HEATR5B: variants seen among roughly 807,000 people sequenced by gnomAD.
HEATR5B encodes the protein HEAT repeat-containing protein 5B.
Under a neutral mutation model 224.1 loss-of-function variants are expected in HEATR5B, and 156 were observed. The ratio of observed to expected loss-of-function variants is 0.70; its 90% CI spans 0.61 to 0.80. The LOEUF is 0.80. Among genes scored for constraint, HEATR5B ranks in the 30% least tolerant of loss-of-function variants. The pLI, the probability that HEATR5B is intolerant of heterozygous loss-of-function variation, is 0.00. For synonymous variants in HEATR5B, 1,027 were observed against 893.0 expected (o/e 1.15, Z -2.68); for missense variants, 2,323 against 2,535.5 (o/e 0.92, Z 1.80).
chr2:37,070,277 T>A lies in HEATR5B; in HGVS notation c.880A>T (p.Lys294Ter). The change falls in exon 7 of 36, where the codon AAA (lysine) becomes TAA (stop). Residue 294 changes from lysine (K) to a stop codon, truncating the protein, a stop_gained. Coordinates refer to ENST00000233099, the MANE Select transcript of HEATR5B (RefSeq NM_019024.3). LOFTEE classifies it high-confidence loss of function. ...GFLKSGGEML[K>*]VGGSVNREVR... ...TCACGATTAACGGACCCTCCAACTT[T>A]TAACATTTCTCCACCGCTCTTTAAG... 4 of 1,614,106 alleles carry A rather than the reference T, an allele frequency of 2.5e-6. No homozygotes were observed. Among genetic ancestry groups the A allele is most frequent in the Non-Finnish European group, 3.4e-6 (4 of 1,179,990 alleles).
intron 35 of HEATR5B, among the ~76,000 whole-genome samples, chr2:36,982,493 G>A (rs1183445054): frequency 6.6e-6 from 1 of 152,094 alleles, no homozygotes. Context: ...ACCTTTATAT[G>A]TAATTGTGTG....
At position 36,988,734 on chromosome 2, in the gene HEATR5B, G is replaced by A; in HGVS notation, c.5823C>T (p.Asn1941=). ...AAAGCTCTATGTTACTGGCTGGTCTGTTTCTTTCAACAGCTTTTAGCTTTT... is the reference window on the plus strand; with the variant it reads ...AAAGCTCTATGTTACTGGCTGGTCTATTTCTTTCAACAGCTTTTAGCTTTT... The part of the protein sequence containing the change: ...VVEKLKAVER[N]RPASNIELLA... Residue 1941 remains asparagine, a synonymous_variant, in exon 35 of 36, where the codon AAC becomes AAT. Coordinates refer to ENST00000233099, the MANE Select transcript of HEATR5B (RefSeq NM_019024.3). 1 of 1,614,046 alleles carries A rather than the reference G, an allele frequency of 6.2e-7. No homozygotes were observed. The highest frequency in any genetic ancestry group is 8.5e-7 in the Non-Finnish European group (1 of 1,179,986).
At chr2:37,065,689 A>C (rs1361824578) in intron 9 of HEATR5B, 66 bp downstream of exon 9, 2 of 1,339,046 alleles carry the variant, frequency 1.5e-6, no homozygotes, top group Admixed American at 2.0e-5. Context: ...TCAGGAATTA[A>C]ATATCAATCA....
chr2:37,003,415 G>A, intron 31 of HEATR5B, 127 bp downstream of exon 31: 1 of 623,672 alleles, frequency 1.6e-6, no homozygotes, highest in Non-Finnish European at 2.6e-6. Context: ...CAGCTTGGGT[G>A]ACCGAATGAG....
At position 37,068,853 on chromosome 2, in the gene HEATR5B, A is replaced by G. The variant is rs748619762; in HGVS notation, c.1005T>C (p.Leu335=). ...RSFATFLSHV[L]DLVSHPRATQ... ...TTGCCCGAGGATGGGAAACCAGATC[A>G]AGTACATGGGACAGGAACGTGGCAA... The change falls in exon 8 of 36, where the codon CTT becomes CTC. Residue 335 remains leucine (L), a synonymous_variant. Transcript: ENST00000233099. The G allele has an allele frequency of 5.0e-5, 80 of 1,614,168 alleles. No homozygotes were observed. Among genetic ancestry groups the G allele is most frequent in the Non-Finnish European group, 6.5e-5 (77 of 1,180,024 alleles).
At chr2:36,990,295 C>G (rs996189963) in intron 34 of HEATR5B, among the ~76,000 whole-genome samples, 2 of 152,158 alleles carry the variant, frequency 1.3e-5, no homozygotes, top group Non-Finnish European at 2.9e-5. Flanking sequence ...ACTTTCTAGA[C>G]AAACTAGTTT....
At chr2:37,019,006 A>T (rs1668297236) in intron 26 of HEATR5B, among the ~76,000 whole-genome samples, 1 of 152,042 alleles carries the variant, frequency 6.6e-6, no homozygotes, top group Admixed American at 6.6e-5. Flanking sequence ...TTAAAAACAC[A>T]CAAATTAGCT....
At chr2:37,078,916 G>A (rs1490749201) in intron 3 of HEATR5B, among the ~76,000 whole-genome samples, 1 of 152,034 alleles carries the variant, frequency 6.6e-6, no homozygotes, top group African/African-American at 2.4e-5. Flanking sequence ...CTGTCATTTG[G>A]ATATTCCCAT....
At chr2:37,013,664 G>C (rs1177270595) in intron 27 of HEATR5B, among the ~76,000 whole-genome samples, 177 bp downstream of exon 27, 1 of 152,166 alleles carries the variant, frequency 6.6e-6, no homozygotes, top group African/African-American at 2.4e-5. Flanking sequence ...TTATGTAGGA[G>C]AGCCCTTCCT....
At chr2:36,985,391 ATC>A (rs1301723855) in intron 35 of HEATR5B, among the ~76,000 whole-genome samples, 2 of 151,732 alleles carry the variant, frequency 1.3e-5, no homozygotes, top group African/African-American at 2.4e-5. Context: ...AGTACAAAAC[ATC>A]TGTTATCTGA....
At chr2:37,042,071 A>G (rs1276407634) in intron 18 of HEATR5B, among the ~76,000 whole-genome samples, 1 of 152,104 alleles carries the variant, frequency 6.6e-6, no homozygotes, top group East Asian at 1.9e-4. Flanking sequence ...AATGAATTCA[A>G]ATACATAAAA....
At position 37,064,939 on chromosome 2, in the gene HEATR5B, C is replaced by T. The variant is rs1558367097; in HGVS notation, c.1385G>A (p.Arg462Gln). Residue 462 changes from arginine to glutamine, a missense_variant, in exon 10 of 36, where the codon CGA becomes CAA. By Grantham distance (43) the Arg-to-Gln change is conservative. This residue lies in a region of HEATR5B where 502 missense variants were observed against 517.8 expected (regional missense o/e 0.97). Transcript: ENST00000233099. ...GCGCAAACACCATGCAGCAGCAAGT[C>T]GGGCAGCCATGCTTGGATGAAGCAG... ...SVLLHPSMAA[R>Q]LAAAWCLRCV... The T allele has an allele frequency of 1.2e-6, 2 of 1,614,060 alleles. No individual in the cohort carries two copies. Among genetic ancestry groups the T allele is most frequent in the Admixed American group, 1.7e-5 (1 of 59,996 alleles).
At chr2:37,042,863 G>C (rs1283119442) in intron 18 of HEATR5B, among the ~76,000 whole-genome samples, 1 of 146,548 alleles carries the variant, frequency 6.8e-6, no homozygotes, top group African/African-American at 2.5e-5. Context: ...CTGCACTCCA[G>C]CCTGGGCGAC....
chr2:37,042,052 T>C (rs1358497387), intron 18 of HEATR5B, among the ~76,000 whole-genome samples: 1 of 152,098 alleles, frequency 6.6e-6, no homozygotes, highest in Non-Finnish European at 1.5e-5. Flanking sequence ...CTTTGTGAAA[T>C]ATATTTTAAA....
At chr2:37,008,242 A>G (rs1667557093) in intron 28 of HEATR5B, 2 of 190,556 alleles carry the variant, frequency 1.0e-5, no homozygotes, top group Non-Finnish European at 2.2e-5. Context: ...CTTTAGGAAC[A>G]TAATTTATTG....
rs1274311552 is a variant in HEATR5B at position 37,041,151 on chromosome 2, C to A, written c.2838G>T (p.Gly946=). The part of the protein sequence containing the change: ...VSILLALAQD[G]TSPEVQTWSL... ...ATTATACCTGGACTTCAGGGGATGTCCCATCTTGTGCTAGAGCCAATAAAA... is the reference window on the plus strand; with the variant it reads ...ATTATACCTGGACTTCAGGGGATGTACCATCTTGTGCTAGAGCCAATAAAA... Residue 946 remains glycine (G), a synonymous_variant, in exon 19 of 36, where the codon GGG becomes GGT. Transcript: ENST00000233099. 6.2e-7 allele frequency: 1 copy of A among 1,613,912 alleles called. No homozygotes were observed. The highest frequency in any genetic ancestry group is 1.3e-5 in the African/African-American group (1 of 75,018).
At chr2:37,013,647 C>G (rs1667929057) in intron 27 of HEATR5B, among the ~76,000 whole-genome samples, 194 bp downstream of exon 27, 1 of 152,210 alleles carries the variant, frequency 6.6e-6, no homozygotes, top group Non-Finnish European at 1.5e-5. Flanking sequence ...TACCTAATTT[C>G]CTCATATTAT....
intron 2 of HEATR5B, among the ~76,000 whole-genome samples, chr2:37,081,390 G>A (rs1672559422): frequency 6.6e-6 from 1 of 152,056 alleles, no homozygotes; most frequent in Admixed American, 6.6e-5. Context: ...CCATACTAAA[G>A]GGTAGCAACA....
chr2:37,003,321 T>C (rs1246155672), intron 31 of HEATR5B, among the ~76,000 whole-genome samples: 1 of 146,052 alleles, frequency 6.8e-6, no homozygotes, highest in Non-Finnish European at 1.5e-5. Context: ...GCCTATAGTC[T>C]CAGCTACTCA....
Sources: allele counts gnomAD v4.1 joint callset (sites outside exome capture counted in the v4.1 genomes callset), GRCh38; gene constraint gnomAD v4.1.1; regional missense constraint gnomAD v4.1.1; transcripts MANE v1.5; gene names NCBI Gene and HGNC (gene_info 2026-07-23, HGNC 2026-07-21).